Variants in PGM3 observed in about 807,000 individuals in gnomAD.
PGM3 encodes the protein phosphoacetylglucosamine mutase.
In PGM3, 40 loss-of-function variants were observed where a neutral mutation model predicts 66.2. The observed-to-expected ratio is 0.60, with a 90% CI of 0.47 to 0.79. The LOEUF (loss-of-function observed/expected upper bound fraction) is 0.79, where lower values mean the gene tolerates loss of function less well. PGM3 is among the 30% of genes least tolerant of loss of function. The pLI is 0.00. For missense variants in PGM3, 537 were observed against 643.4 expected (o/e 0.83, Z 1.79); for synonymous variants, 191 against 224.2 (o/e 0.85, Z 1.32).
At chr6:83,161,168 G>A (rs955081842), downstream of PGM3, 7 of 152,074 alleles carry the variant, frequency 4.6e-5, no homozygotes. Context: ...GAAATAGTAT[G>A]CTCATGATAC....
downstream of PGM3, among the ~76,000 whole-genome samples, chr6:83,160,591 T>C (rs1464426437): frequency 1.3e-5 from 2 of 152,166 alleles, no homozygotes; most frequent in Non-Finnish European, 2.9e-5. Flanking sequence ...TGGGCAAGCC[T>C]AGAATGAAGG....
At chr6:83,192,121 C>A (rs1246783800) in intron 1 of PGM3, among the ~76,000 whole-genome samples, 1 of 151,848 alleles carries the variant, frequency 6.6e-6, no homozygotes, top group African/African-American at 2.4e-5. Context: ...CAAAAAGTAG[C>A]CTGGCGTGGT....
chr6:83,190,817 T>G lies in PGM3; in HGVS notation c.196A>C (p.Asn66His). ...GGCACTAAACCCATTACCTCAGGAT[T>G]GTGGGACGCTGTTACCATGACTCCT... is the stretch of plus-strand genomic sequence containing the variant. ...TIGVMVTASH[N>H]PEEDNGVKLV... The change falls in exon 2 of 13, where the codon AAT becomes CAT. Residue 66 changes from asparagine to histidine, a missense_variant. Coordinates refer to ENST00000513973, the MANE Select transcript of PGM3 (RefSeq NM_015599.3). 6.8e-6 allele frequency: 11 copies of G among 1,613,082 alleles called. No individual in the cohort carries two copies. The highest frequency in any genetic ancestry group is 1.3e-5 in the African/African-American group (1 of 75,012).
intron 10 of PGM3, among the ~76,000 whole-genome samples, chr6:83,173,320 GA>G (rs558245121): frequency 1.3e-4 from 20 of 152,270 alleles, no homozygotes; most frequent in African/African-American, 4.6e-4. Flanking sequence ...ACTAGCTCTT[GA>G]GAAACTTGCC....
chr6:83,154,265 C>G, the PGM3 span: 1 of 1,600,140 alleles, frequency 6.2e-7, no homozygotes, highest in Non-Finnish European at 8.6e-7. Flanking sequence ...GATGACAATC[C>G]AAGTTCTTTC....
chr6:83,181,710 A>AT, intron 6 of PGM3, 26 bp downstream of exon 6: 1 of 1,534,704 alleles, frequency 6.5e-7, no homozygotes, highest in Non-Finnish European at 8.8e-7. Context: ...TTAAAAACAA[A>AT]TTTTTGCAGT....
In PGM3 at chr6:83,166,961, CTG is replaced by C. The variant is rs558706567; in HGVS notation, c.*2271_*2272del. ...TTCATTCTTTAGTGTGGAATTGTAT[CTG>C]TGATTCTGCCCAAGTTCAACCAACC... On this transcript the variant is annotated 3_prime_UTR_variant, in exon 13 of 13. Coordinates refer to ENST00000513973, the MANE Select transcript of PGM3 (RefSeq NM_015599.3). The C allele has an allele frequency of 2.3e-5, 23 of 986,176 alleles. No individual in the cohort carries two copies. The South Asian group carries it at 7.5e-4, about 32-fold the overall frequency. 61.1% of individuals were successfully genotyped at this position (986,176 alleles called of 1,614,324 possible).
chr6:83,180,887 A>G (rs1292055317), intron 6 of PGM3, among the ~76,000 whole-genome samples: 2 of 152,214 alleles, frequency 1.3e-5, no homozygotes, highest in African/African-American at 4.8e-5. Flanking sequence ...TCCAGAATGC[A>G]TGTCCTATTT....
At position 83,181,804 on chromosome 6, in the gene PGM3, C is replaced by T; in HGVS notation, c.719G>A (p.Gly240Glu). 1.2e-6 allele frequency: 2 copies of T among 1,613,958 alleles called. No individual in the cohort carries two copies. Among genetic ancestry groups the T allele is most frequent in the Non-Finnish European group, 8.5e-7 (1 of 1,179,956 alleles). ...TAAATGATTGAGTTTGCCCTTGGAC[C>T]CATCATTAAACAGCTGAACTGACAG... Reference protein sequence around the residue: ...QGLSVQLFNDGSKGKLNHLCG... With the variant: ...QGLSVQLFNDESKGKLNHLCG... Residue 240 changes from glycine to glutamate, a missense_variant, in exon 6 of 13, where the codon GGG (glycine) becomes GAG (glutamate). Coordinates refer to ENST00000513973, the MANE Select transcript of PGM3 (RefSeq NM_015599.3).
intron 4 of PGM3, among the ~76,000 whole-genome samples, chr6:83,185,446 T>C (rs151167955): frequency 2.6e-4 from 40 of 152,254 alleles, no homozygotes; most frequent in African/African-American, 8.9e-4. Flanking sequence ...ACACAGCAGG[T>C]AGTAAAACAT....
the PGM3 span, among the ~76,000 whole-genome samples, chr6:83,150,682 CAG>C: frequency 7.2e-5 from 11 of 152,104 alleles, no homozygotes; most frequent in Non-Finnish European, 1.0e-4. Flanking sequence ...AAAACCATGT[CAG>C]AGTGAATATT....
chr6:83,173,851 C>T (rs1413102012), intron 10 of PGM3, among the ~76,000 whole-genome samples: 1 of 152,160 alleles, frequency 6.6e-6, no homozygotes, highest in Non-Finnish European at 1.5e-5. Context: ...ATGCTCCTGC[C>T]TCAGCCTCCC....
intron 2 of PGM3, 79 bp downstream of exon 2, chr6:83,190,730 C>G: frequency 8.9e-7 from 1 of 1,121,298 alleles, no homozygotes; most frequent in Non-Finnish European, 1.3e-6. Flanking sequence ...AGAATTTGTA[C>G]TTTAGGTCAA....
At chr6:83,178,859 T>C in intron 7 of PGM3, 103 bp from the exon 8 acceptor site, 1 of 745,550 alleles carries the variant, frequency 1.3e-6, no homozygotes, top group Non-Finnish European at 2.4e-6. Flanking sequence ...GCCAGTTCAG[T>C]TGTGCCTTAG....
chr6:83,150,763 G>A, the PGM3 span, among the ~76,000 whole-genome samples: 1 of 152,030 alleles, frequency 6.6e-6, no homozygotes, highest in Non-Finnish European at 1.5e-5. Flanking sequence ...ATGTGTTATG[G>A]GAAGAAATCA....
rs1295209516 is a variant in PGM3, at chr6:83,171,868, A to G, written c.1365+69T>C. Reference sequence around the variant, plus strand: ...AGGAAACATATGTCAGTGAGATATAATGAGAATTGGGATAATAGGTTTTAC... The same window carrying G: ...AGGAAACATATGTCAGTGAGATATAGTGAGAATTGGGATAATAGGTTTTAC... On this transcript the variant is annotated intron_variant, in intron 11 of 12. Coordinates refer to ENST00000513973, the MANE Select transcript of PGM3 (RefSeq NM_015599.3). 4 of 1,183,024 alleles carry G rather than the reference A, an allele frequency of 3.4e-6. No individual in the cohort carries two copies. The African/African-American group carries it at 4.6e-5, about 13-fold the overall frequency. 73.3% of individuals were successfully genotyped at this position (1,183,024 alleles called of 1,614,324 possible). A position where few individuals can be genotyped will look rare whatever the true frequency, so the allele number is the denominator to read the frequency against.
intron 1 of PGM3, among the ~76,000 whole-genome samples, chr6:83,192,004 G>C (rs1185893): frequency 1 from 147,432 of 147,504 alleles, 73,680 homozygotes; most frequent in Middle Eastern, 1. Flanking sequence ...AGGTGGCTCA[G>C]GCCTGTAATC....
At position 83,179,865 on chromosome 6, in the gene PGM3, T is replaced by TGAAATGAAGA; in HGVS notation, c.889_890insTCTTCATTTC (p.Asp297ValfsTer13). The TGAAATGAAGA allele has an allele frequency of 1.2e-6, 2 of 1,613,640 alleles. No individual in the cohort carries two copies. The highest frequency in any genetic ancestry group is 1.7e-6 in the Non-Finnish European group (2 of 1,179,668). Reference sequence around the variant, plus strand: ...AATTAACGTTGCTATCTTGTCTCCATCTATGAGATGAAAGTGGCCATCTGC... The same window carrying TGAAATGAAGA: ...AATTAACGTTGCTATCTTGTCTCCATGAAATGAAGACTATGAGATGAAAGTGGCCATCTGC... On this transcript the variant is annotated frameshift_variant, in exon 7 of 13. Coordinates refer to ENST00000513973, the MANE Select transcript of PGM3 (RefSeq NM_015599.3). LOFTEE classifies it high-confidence loss of function.
At chr6:83,187,925 C>T (rs1009149111) in intron 3 of PGM3, among the ~76,000 whole-genome samples, 1 of 152,178 alleles carries the variant, frequency 6.6e-6, no homozygotes, top group African/African-American at 2.4e-5. Flanking sequence ...TAATTTACTT[C>T]AGAACATAAG....
Sources: allele counts gnomAD v4.1 joint callset (sites outside exome capture counted in the v4.1 genomes callset), GRCh38; gene constraint gnomAD v4.1.1; transcripts MANE v1.5; gene names NCBI Gene and HGNC (gene_info 2026-07-23, HGNC 2026-07-21).